Variants in LDB2 observed in about 807,000 individuals in gnomAD.
LDB2 encodes the protein LIM domain-binding protein 2.
A neutral mutation model predicts 44.3 loss-of-function variants in LDB2; 12 were observed. The ratio of observed to expected loss-of-function variants is 0.27; its 90% CI spans 0.17 to 0.44. LDB2 has a LOEUF of 0.44. Ranked by LOEUF, LDB2 falls within the 20% of genes least tolerant of loss-of-function variation. LDB2 has a pLI of 1.00. For missense variants in LDB2, 344 were observed against 473.5 expected (o/e 0.73, Z 2.54); for synonymous variants, 164 against 174.8 (o/e 0.94, Z 0.49).
At chr4:16,865,066 C>T (rs1714217236) in intron 1 of LDB2, among the ~76,000 whole-genome samples, 1 of 151,878 alleles carries the variant, frequency 6.6e-6, no homozygotes, top group Non-Finnish European at 1.5e-5. Context: ...ACCTGGCCAA[C>T]ATGGTGAAAC....
At chr4:16,612,842 A>G (rs559249281) in intron 2 of LDB2, among the ~76,000 whole-genome samples, 1 of 152,206 alleles carries the variant, frequency 6.6e-6, no homozygotes, top group East Asian at 1.9e-4. Context: ...TCCCTCCCTA[A>G]CTCATTTTAT....
chr4:16,747,860 G>T (rs1014858810), intron 2 of LDB2, among the ~76,000 whole-genome samples: 2 of 152,082 alleles, frequency 1.3e-5, no homozygotes, highest in African/African-American at 4.8e-5. Context: ...CTCATAATTA[G>T]ATTTTGAAAG....
intron 2 of LDB2, among the ~76,000 whole-genome samples, chr4:16,749,874 T>C (rs2109095160): frequency 6.6e-6 from 1 of 152,330 alleles, no homozygotes. Flanking sequence ...TTTTCTCTCA[T>C]GAGTTTAAGA....
At chr4:16,825,493 A>T (rs1223379226) in intron 1 of LDB2, among the ~76,000 whole-genome samples, 1 of 152,174 alleles carries the variant, frequency 6.6e-6, no homozygotes, top group Non-Finnish European at 1.5e-5. Context: ...AGGCCACATA[A>T]TGCGGGTAAA....
chr4:16,741,177 G>T (rs988922268), intron 2 of LDB2, among the ~76,000 whole-genome samples: 1 of 152,200 alleles, frequency 6.6e-6, no homozygotes, highest in African/African-American at 2.4e-5. Context: ...GCAGATCGTC[G>T]CATTTTGGAA....
chr4:16,762,853 C>A (rs997684518), intron 1 of LDB2, among the ~76,000 whole-genome samples: 6 of 152,108 alleles, frequency 3.9e-5, no homozygotes, highest in Admixed American at 1.3e-4. Flanking sequence ...AGAAAGTACT[C>A]AAGTTACAAT....
At chr4:16,672,832 T>TTTCC (rs61126154) in intron 2 of LDB2, among the ~76,000 whole-genome samples, 4,179 of 147,778 alleles carry the variant, frequency 0.028, 156 homozygotes, top group African/African-American at 0.086. Context: ...GCCTGCCTTC[T>TTTCC]TTCCTTCCTT....
At chr4:16,863,019 G>A (rs999628217) in intron 1 of LDB2, among the ~76,000 whole-genome samples, 1 of 152,160 alleles carries the variant, frequency 6.6e-6, no homozygotes, top group African/African-American at 2.4e-5. Context: ...AGCCCGCATC[G>A]TTGGAGTCAC....
intron 2 of LDB2, among the ~76,000 whole-genome samples, chr4:16,717,763 C>T (rs1335731811): frequency 6.6e-5 from 10 of 152,156 alleles, no homozygotes; most frequent in Non-Finnish European, 1.2e-4. Flanking sequence ...ATTTCTCCCA[C>T]GCATTTATGC....
chr4:16,523,452 C>G (rs920263121), intron 5 of LDB2, among the ~76,000 whole-genome samples: 7 of 152,190 alleles, frequency 4.6e-5, no homozygotes, highest in African/African-American at 1.4e-4. Context: ...TGGCCTCTCT[C>G]TGACATATCT....
intron 1 of LDB2, among the ~76,000 whole-genome samples, chr4:16,786,188 C>G (rs982994976): frequency 2.0e-5 from 3 of 152,186 alleles, no homozygotes; most frequent in Non-Finnish European, 2.9e-5. Context: ...GGCTCTGTAA[C>G]TCATAAGTCA....
intron 2 of LDB2, among the ~76,000 whole-genome samples, chr4:16,739,635 TGTATATATAC>T: frequency 3.4e-5 from 3 of 87,126 alleles, no homozygotes; most frequent in African/African-American, 1.4e-4. Context: ...TGTGTATATA[TGTATATATAC>T]ATATGTGTGT....
At chr4:16,566,557 C>T (rs532448902) in intron 5 of LDB2, among the ~76,000 whole-genome samples, 1 of 152,050 alleles carries the variant, frequency 6.6e-6, no homozygotes, top group Non-Finnish European at 1.5e-5. Context: ...AAAAAATCAC[C>T]CCATTTTAAA....
chr4:16,824,373 G>A (rs1018458428), intron 1 of LDB2, among the ~76,000 whole-genome samples: 2 of 152,166 alleles, frequency 1.3e-5, no homozygotes, highest in African/African-American at 4.8e-5. Flanking sequence ...GTTGCTTGAC[G>A]AGCTGTTGGG....
chr4:16,876,763 C>G (rs760674711), intron 1 of LDB2, among the ~76,000 whole-genome samples: 2 of 151,894 alleles, frequency 1.3e-5, no homozygotes, highest in Non-Finnish European at 2.9e-5. Context: ...CAACAGTAAT[C>G]AGCAAAAACA....
intron 1 of LDB2, among the ~76,000 whole-genome samples, chr4:16,775,471 C>T (rs1165391386): frequency 1.3e-5 from 2 of 152,142 alleles, no homozygotes; most frequent in African/African-American, 2.4e-5. Context: ...AGTGTAGCTA[C>T]CTCATAGTGC....
In LDB2 at chr4:16,582,972, AC is replaced by A. The variant is rs1469368368; in HGVS notation, c.615+2949del. Among the ~76,000 whole-genome samples the A allele has an allele frequency of 6.6e-6, 1 of 152,210 alleles. No individual in the cohort carries two copies. The highest frequency in any genetic ancestry group is 2.4e-5 in the African/African-American group (1 of 41,458). On this transcript the variant is annotated intron_variant, in intron 5 of 7. Transcript: ENST00000304523. The surrounding 1 kb of genome is among the most constrained non-coding windows in gnomAD (Gnocchi z 4.8). ...TTGTTCTTGTTGTTGCTTCAAAAGC[AC>A]CAGGTCACCAGAGCCCCCTCCAAAG...
intron 1 of LDB2, among the ~76,000 whole-genome samples, chr4:16,759,975 T>C (rs1177383194): frequency 6.6e-6 from 1 of 152,214 alleles, no homozygotes; most frequent in African/African-American, 2.4e-5. Flanking sequence ...GAAAACACTT[T>C]GGAAGCGGCC....
At chr4:16,723,357 G>A (rs1758727246) in intron 2 of LDB2, among the ~76,000 whole-genome samples, 2 of 152,136 alleles carry the variant, frequency 1.3e-5, no homozygotes, top group Admixed American at 6.5e-5. Context: ...AAGAGGGACA[G>A]GAGAGCAAGT....
Sources: allele counts gnomAD v4.1 joint callset (sites outside exome capture counted in the v4.1 genomes callset), GRCh38; gene constraint gnomAD v4.1.1; non-coding constraint Gnocchi (gnomAD v3.1); transcripts MANE v1.5; gene names NCBI Gene and HGNC (gene_info 2026-07-23, HGNC 2026-07-21).